The following UVSSA variants were observed in gnomAD, a reference collection of about 807,000 sequenced individuals.
The protein encoded by UVSSA is UV stimulated scaffold protein A, also known as UV-stimulated scaffold protein A.
A neutral mutation model predicts 73.9 loss-of-function variants in UVSSA; 72 were observed. The ratio of observed to expected loss-of-function variants is 0.97; its 90% CI spans 0.81 to 1.19. The LOEUF (loss-of-function observed/expected upper bound fraction) is 1.19. Ranked by LOEUF, UVSSA falls within the 50% of genes most tolerant of loss-of-function variation. The pLI is 0.00. For synonymous variants in UVSSA, 454 were observed against 391.3 expected, an observed-to-expected ratio of 1.16 and a Z score of -1.89; for missense variants, 1,150 against 965.0, an observed-to-expected ratio of 1.19 and a Z score of -2.54.
chr4:1,359,572 C>T (rs1716323239), intron 7 of UVSSA: 2 of 152,338 alleles, frequency 1.3e-5, no homozygotes, highest in Admixed American at 1.3e-4. Context: ...TCTGTCTTTC[C>T]TTCTGCTAGT....
chr4:1,349,859 G>T lies in UVSSA; in HGVS notation c.429+5G>T, dbSNP rs766699529. 13 of 1,531,120 alleles carry T rather than the reference G, an allele frequency of 8.5e-6. No individual in the cohort carries two copies. The South Asian group carries it at 1.5e-4, about 18-fold the overall frequency. 94.8% of individuals were successfully genotyped at this position (1,531,120 alleles called of 1,614,324 possible). A position where few individuals can be genotyped will look rare whatever the true frequency, so the allele number is the denominator to read the frequency against. ...TTCTTAAGACACAACAAAAAGGTAG[G>T]TGGGCCTGGCCCATTTTTTCAGAGA... On this transcript the variant is annotated splice_donor_5th_base_variant and intron_variant, in intron 3 of 13. Coordinates refer to ENST00000389851, the MANE Select transcript of UVSSA (RefSeq NM_020894.4).
intron 8 of UVSSA, among the ~76,000 whole-genome samples, chr4:1,373,041 C>A (rs1458069836): frequency 6.6e-6 from 1 of 152,254 alleles, no homozygotes; most frequent in African/African-American, 2.4e-5. Flanking sequence ...AGGTCGTCGT[C>A]CTGTGCCTGC....
chr4:1,378,182 C>T (rs185762858), intron 10 of UVSSA, among the ~76,000 whole-genome samples: 26 of 152,302 alleles, frequency 1.7e-4, no homozygotes, highest in African/African-American at 4.6e-4. Context: ...CTGGCCAGGC[C>T]GTGGTGGGAG....
At chr4:1,366,543 A>G (rs1717354586) in intron 8 of UVSSA, 112 bp downstream of exon 8, 1 of 733,170 alleles carries the variant, frequency 1.4e-6, no homozygotes. Flanking sequence ...TCTTGTGGTA[A>G]CTGCTGCTTT....
upstream of UVSSA, among the ~76,000 whole-genome samples, chr4:1,345,394 C>T (rs1393355308): frequency 6.6e-6 from 1 of 152,094 alleles, no homozygotes; most frequent in Non-Finnish European, 1.5e-5. Flanking sequence ...CCTGTAATCC[C>T]AGCACTTTGG....
chr4:1,352,877 C>G (rs1016482519), intron 4 of UVSSA, among the ~76,000 whole-genome samples, 153 bp from the exon 5 acceptor site: 5 of 152,228 alleles, frequency 3.3e-5, no homozygotes, highest in Non-Finnish European at 7.3e-5. Flanking sequence ...CCTGGAAGGT[C>G]GAGGCTGGGG....
chr4:1,366,545 T>A (rs1717354862), intron 8 of UVSSA, 114 bp downstream of exon 8: 5 of 725,140 alleles, frequency 6.9e-6, no homozygotes, highest in Non-Finnish European at 1.1e-5. Context: ...TTGTGGTAAC[T>A]GCTGCTTTGG....
In UVSSA at chr4:1,387,996, A is replaced by G. The variant is rs866985896; in HGVS notation, c.*2035A>G. On this transcript the variant is annotated 3_prime_UTR_variant, in exon 14 of 14. Transcript: ENST00000389851. ...TTTTGATAGGAATTACATTAAATCT[A>G]GAGATTGCTTTGGAATGTATTACCG... is the stretch of plus-strand genomic sequence containing the variant. 3 of 151,040 alleles carry G rather than the reference A, an allele frequency of 2.0e-5. No homozygotes were observed. Among genetic ancestry groups the G allele is most frequent in the Admixed American group, 2.0e-4 (3 of 15,188 alleles). 9.4% of individuals were successfully genotyped at this position (151,040 alleles called of 1,614,324 possible).
At chr4:1,371,193 A>G (rs1478468114) in intron 8 of UVSSA, among the ~76,000 whole-genome samples, 2 of 152,138 alleles carry the variant, frequency 1.3e-5, no homozygotes, top group Non-Finnish European at 2.9e-5. Context: ...AAGCCTGCAC[A>G]AAAGAAGGCC....
intron 10 of UVSSA, 98 bp from the exon 11 acceptor site, chr4:1,379,949 T>A (rs1166529289): frequency 9.3e-6 from 13 of 1,395,980 alleles, no homozygotes; most frequent in Non-Finnish European, 1.2e-5. Flanking sequence ...GTGGCTGGGC[T>A]GCAGTGGTGT....
chr4:1,346,281 C>A (rs1422967308), upstream of UVSSA, among the ~76,000 whole-genome samples: 1 of 152,242 alleles, frequency 6.6e-6, no homozygotes, highest in African/African-American at 2.4e-5. Context: ...AAAAGAAACC[C>A]CGGCCCGCCG....
chr4:1,354,786 C>T lies in UVSSA; in HGVS notation c.986C>T (p.Ala329Val). ...GACAACCTTGCTCTCATCCACGCCG[C>T]CCGCGACACACTCAAGCTCATCCGG... The part of the protein sequence containing the change: ...NEDNLALIHA[A>V]RDTLKLIRNK... The change falls in exon 6 of 14, where the codon GCC (alanine) becomes GTC (valine). Residue 329 changes from alanine to valine, a missense_variant. Transcript: ENST00000389851. 6.2e-7 allele frequency: 1 copy of T among 1,613,702 alleles called. No homozygotes were observed. Among genetic ancestry groups the T allele is most frequent in the Non-Finnish European group, 8.5e-7 (1 of 1,179,990 alleles).
downstream of UVSSA, chr4:1,392,339 CAAACAGAAATGAGTT>C (rs1720429400): frequency 2.6e-5 from 4 of 152,208 alleles, no homozygotes; most frequent in South Asian, 2.1e-4. Context: ...AAAAGATGTA[CAAACAGAAATGAGTT>C]TCTGCTGTCT....
At chr4:1,394,904 C>T (rs752612765) in exon 14 of UVSSA, 17 of 1,479,894 alleles carry the variant, frequency 1.1e-5, no homozygotes, top group South Asian at 1.3e-5. Context: ...TCACACGTGC[C>T]CATGCGGAGT....
rs146539928 is a variant in UVSSA, at chr4:1,353,340, C to A, written c.861C>A (p.Ser287Arg). ...ACCCCTCAGATGAGGACGAGGACAG[C>A]GACCTCGAGGAGTTTGTGCGGAGCC... is the stretch of plus-strand genomic sequence containing the variant. The part of the protein sequence containing the change: ...TGDPSDEDED[S>R]DLEEFVRSHG... The change falls in exon 5 of 14, where the codon AGC becomes AGA. Residue 287 changes from serine to arginine, a missense_variant. By Grantham distance (110) the Ser-to-Arg change is moderately radical. Transcript: ENST00000389851. The A allele has an allele frequency of 6.2e-7, 1 of 1,610,670 alleles. No homozygotes were observed. Among genetic ancestry groups the A allele is most frequent in the Non-Finnish European group, 8.5e-7 (1 of 1,179,222 alleles).
chr4:1,382,399 C>T (rs1017631915), intron 12 of UVSSA, among the ~76,000 whole-genome samples: 5 of 152,240 alleles, frequency 3.3e-5, no homozygotes, highest in Non-Finnish European at 5.9e-5. Flanking sequence ...CCGCCTCCCT[C>T]GCGCACGGCG....
At chr4:1,362,994 C>T (rs1203522677) in intron 7 of UVSSA, among the ~76,000 whole-genome samples, 1 of 152,222 alleles carries the variant, frequency 6.6e-6, no homozygotes, top group African/African-American at 2.4e-5. Flanking sequence ...CACTGTGCGT[C>T]TGTGGGTTTC....
Position 1,385,958 on chromosome 4 carries a change from C to T in UVSSA, c.2127C>T (p.Asn709=). 6.2e-7 allele frequency: 1 copy of T among 1,613,992 alleles called. No homozygotes were observed. Among genetic ancestry groups the T allele is most frequent in the Non-Finnish European group, 8.5e-7 (1 of 1,180,026 alleles). The change falls in exon 14 of 14, where the codon AAC becomes AAT. Residue 709 remains asparagine, a synonymous_variant. Coordinates refer to ENST00000389851, the MANE Select transcript of UVSSA (RefSeq NM_020894.4). ...KFSNQFNYAL[N] is the part of the protein sequence containing the mutation. ...CAAACCAGTTTAACTACGCACTGAA[C>T]TAGAGAGCGGGGCCCAGTGCACTGG...
At chr4:1,374,738 G>A (rs919033722) in intron 8 of UVSSA, among the ~76,000 whole-genome samples, 22 of 152,242 alleles carry the variant, frequency 1.4e-4, no homozygotes, top group African/African-American at 5.1e-4. Context: ...CCCTGTGGCT[G>A]TCAGAGGCGC....
Sources: gnomAD v4.1 joint callset for allele counts (sites outside exome capture counted in the v4.1 genomes callset) on GRCh38, gnomAD v4.1.1 for gene constraint, MANE v1.5 for transcripts, NCBI Gene and HGNC (gene_info 2026-07-23, HGNC 2026-07-21) for gene names.